The following SDHC variants were observed in gnomAD, a reference collection of about 807,000 sequenced individuals.
SDHC encodes succinate dehydrogenase cytochrome b560 subunit, mitochondrial.
SDHC carries 11 observed loss-of-function variants against 22.6 expected under a neutral mutation model. That is an observed-to-expected ratio of 0.49 (90% CI 0.31 to 0.81). The LOEUF is 0.81. SDHC is among the 30% of genes least tolerant of loss of function. The probability of loss-of-function intolerance (pLI) is 0.05; values close to 1 mark genes in which losing one functional copy is unlikely to be tolerated. For missense variants in SDHC, 160 were observed against 212.0 expected, an observed-to-expected ratio of 0.75 and a Z score of 1.52; for synonymous variants, 80 against 77.8, an observed-to-expected ratio of 1.03 and a Z score of -0.15.
rs1558164463 is a variant in SDHC, at chr1:161,323,596, G to C, written c.21-18G>C. 6.2e-7 allele frequency: 1 copy of C among 1,608,650 alleles called. No homozygotes were observed. The highest frequency in any genetic ancestry group is 1.1e-5 in the South Asian group (1 of 90,924). ...GATCTCTAAATGTGTATTGATTTTT[G>C]ATTCTCTTATCTTGCAGACACGTTG... On this transcript the variant is annotated intron_variant, in intron 1 of 5. Transcript: ENST00000367975.
chr1:161,315,252 T>C (rs1020114948), intron 1 of SDHC, among the ~76,000 whole-genome samples: 3 of 152,220 alleles, frequency 2.0e-5, no homozygotes, highest in African/African-American at 7.2e-5. Context: ...GCTTCAATGC[T>C]GTTGAGATTT....
chr1:161,328,257 C>A, intron 2 of SDHC, 139 bp from the exon 3 acceptor site: 1 of 726,266 alleles, frequency 1.4e-6, no homozygotes, highest in Admixed American at 1.9e-5. Flanking sequence ...CCGCCTCGGC[C>A]TCCCAAAGAG....
At chr1:161,331,372 A>G (rs547184177) in intron 3 of SDHC, among the ~76,000 whole-genome samples, 14 of 151,724 alleles carry the variant, frequency 9.2e-5, no homozygotes, top group African/African-American at 3.1e-4. Context: ...GGCTTAAGCA[A>G]TCCTTCCACC....
intron 1 of SDHC, among the ~76,000 whole-genome samples, chr1:161,319,691 C>T (rs1448907364): frequency 6.6e-6 from 1 of 152,138 alleles, no homozygotes; most frequent in Non-Finnish European, 1.5e-5. Context: ...AAGTGACCCA[C>T]CCACCTTGGC....
chr1:161,356,541 GA>G, intron 4 of SDHC, 135 bp from the exon 5 acceptor site: 1 of 967,646 alleles, frequency 1.0e-6, no homozygotes, highest in Non-Finnish European at 1.6e-6. Context: ...TCTGTCTCAA[GA>G]AAAAAAGAAA....
At chr1:161,339,562 C>T (rs1671632236) in intron 3 of SDHC, 1 of 1,264,024 alleles carries the variant, frequency 7.9e-7, no homozygotes, top group Non-Finnish European at 1.0e-6. Context: ...TTTTTCTCAG[C>T]CCTATCAGTG....
chr1:161,314,637 C>G (rs1420185039), intron 1 of SDHC: 4 of 608,138 alleles, frequency 6.6e-6, no homozygotes, highest in Non-Finnish European at 1.2e-5. Context: ...TCACTGACTT[C>G]GTATCGAGGG....
intron 4 of SDHC, among the ~76,000 whole-genome samples, chr1:161,349,807 A>G (rs1672040563): frequency 6.6e-6 from 1 of 152,244 alleles, no homozygotes; most frequent in Non-Finnish European, 1.5e-5. Context: ...CTCTGTCACT[A>G]ACTGTGAGAC....
At chr1:161,325,569 A>G (rs1671019712) in intron 2 of SDHC, among the ~76,000 whole-genome samples, 1 of 152,090 alleles carries the variant, frequency 6.6e-6, no homozygotes, top group African/African-American at 2.4e-5. Flanking sequence ...AGTTCCAGCT[A>G]CTCGGGAAGC....
At chr1:161,345,487 C>T (rs1045829909) in intron 4 of SDHC, among the ~76,000 whole-genome samples, 4 of 152,090 alleles carry the variant, frequency 2.6e-5, no homozygotes, top group Admixed American at 6.6e-5. Context: ...GACAGAGTCT[C>T]GCTTTTCTGC....
intron 4 of SDHC, among the ~76,000 whole-genome samples, chr1:161,349,520 T>A (rs1466180001): frequency 6.6e-6 from 1 of 152,068 alleles, no homozygotes; most frequent in African/African-American, 2.4e-5. Context: ...GATGGAAGAA[T>A]CAGAACTTTT....
At chr1:161,356,572 C>T in intron 4 of SDHC, 105 bp from the exon 5 acceptor site, 1 of 1,173,430 alleles carries the variant, frequency 8.5e-7, no homozygotes. Flanking sequence ...TTCTCCATTT[C>T]AAAATGGTTT....
chr1:161,340,512 G>T, intron 3 of SDHC, 82 bp from the exon 4 acceptor site: 2 of 1,212,350 alleles, frequency 1.6e-6, no homozygotes, highest in Non-Finnish European at 1.2e-6. Context: ...TTCAGAATTA[G>T]TTTATATTTT....
chr1:161,361,718 C>T (rs1394987547), intron 5 of SDHC, among the ~76,000 whole-genome samples: 1 of 151,982 alleles, frequency 6.6e-6, no homozygotes, highest in Non-Finnish European at 1.5e-5. Context: ...TGGCGTGTGC[C>T]TCTAGTCCCA....
chr1:161,342,361 T>TCAACAAGTGAGTATG (rs1161783940), intron 4 of SDHC, among the ~76,000 whole-genome samples: 4 of 152,186 alleles, frequency 2.6e-5, no homozygotes, highest in African/African-American at 9.7e-5. Flanking sequence ...AATGCACTAT[T>TCAACAAGTGAGTATG]AGCACATACT....
intron 4 of SDHC, among the ~76,000 whole-genome samples, chr1:161,352,550 T>C (rs923984390): frequency 6.6e-6 from 1 of 152,230 alleles, no homozygotes; most frequent in African/African-American, 2.4e-5. Flanking sequence ...ATCCAGAGAC[T>C]GTATCATTTT....
intron 4 of SDHC, among the ~76,000 whole-genome samples, chr1:161,348,087 T>A (rs1030337543): frequency 6.6e-6 from 1 of 152,180 alleles, no homozygotes; most frequent in South Asian, 2.1e-4. Context: ...AATATATAAA[T>A]TTTAAAAAGC....
intron 5 of SDHC, among the ~76,000 whole-genome samples, chr1:161,357,969 TG>T (rs1199604816): frequency 6.6e-6 from 1 of 152,036 alleles, no homozygotes; most frequent in Non-Finnish European, 1.5e-5. Context: ...TGGACAGAAT[TG>T]GGCCAACTTT....
chr1:161,346,536 T>A (rs560383866), intron 4 of SDHC, among the ~76,000 whole-genome samples: 2 of 152,180 alleles, frequency 1.3e-5, no homozygotes, highest in African/African-American at 4.8e-5. Flanking sequence ...CTAGCTGGGA[T>A]TACAGGCATG....
Sources: allele counts gnomAD v4.1 joint callset (sites outside exome capture counted in the v4.1 genomes callset), GRCh38; gene constraint gnomAD v4.1.1; transcripts MANE v1.5; gene names NCBI Gene and HGNC (gene_info 2026-07-23, HGNC 2026-07-21).